OARD1: variants seen among roughly 807,000 people sequenced by gnomAD.
OARD1 encodes ADP-ribose glycohydrolase OARD1.
In OARD1, 19 loss-of-function variants were observed where a neutral mutation model predicts 19.7. The ratio of observed to expected loss-of-function variants is 0.96; its 90% CI spans 0.67 to 1.41. The LOEUF (loss-of-function observed/expected upper bound fraction) is 1.41, where lower values mean the gene tolerates loss of function less well. Ranked by LOEUF, OARD1 falls within the 40% of genes most tolerant of loss-of-function variation. The pLI, the probability that OARD1 is intolerant of heterozygous loss-of-function variation, is 0.00. For synonymous variants in OARD1, 70 were observed against 61.8 expected, an observed-to-expected ratio of 1.13 and a Z score of -0.62; for missense variants, 190 against 183.8, an observed-to-expected ratio of 1.03 and a Z score of -0.20.
At chr6:41,089,166 TAG>T (rs1764130298) in intron 1 of OARD1, among the ~76,000 whole-genome samples, 2 of 152,042 alleles carry the variant, frequency 1.3e-5, no homozygotes, top group Admixed American at 1.3e-4. Flanking sequence ...GTATTTTTAG[TAG>T]AGACAGGGTT....
chr6:41,081,695 A>C (rs1026756015), intron 1 of OARD1, among the ~76,000 whole-genome samples: 4 of 152,138 alleles, frequency 2.6e-5, no homozygotes, highest in African/African-American at 9.7e-5. Flanking sequence ...TTATCTAAGC[A>C]CTGAATCTTG....
upstream of OARD1, among the ~76,000 whole-genome samples, chr6:41,074,479 T>C (rs1025170010): frequency 4.6e-5 from 7 of 152,218 alleles, no homozygotes; most frequent in African/African-American, 1.7e-4. Context: ...ATGCGTGAGC[T>C]AGCCTCCGTG....
At chr6:41,075,612 C>G (rs1763711726), upstream of OARD1, 1 of 151,982 alleles carries the variant, frequency 6.6e-6, no homozygotes, top group African/African-American at 2.4e-5. Flanking sequence ...TTTTTATGCT[C>G]TCTTGATTTG....
chr6:41,075,422 T>C (rs2114081926), upstream of OARD1: 1 of 151,682 alleles, frequency 6.6e-6, no homozygotes, highest in South Asian at 2.1e-4. Context: ...CTAAATACTT[T>C]TGCTTGGCAT....
rs1037170446 is a variant in OARD1, at chr6:41,066,467, G to A, written c.*868C>T. 4 of 151,988 alleles carry A rather than the reference G, an allele frequency of 2.6e-5. No homozygotes were observed. Among genetic ancestry groups the A allele is most frequent in the Admixed American group, 6.6e-5 (1 of 15,260 alleles). 9.4% of individuals were successfully genotyped at this position (151,988 alleles called of 1,614,324 possible). Reference sequence around the variant, plus strand: ...TTATTTTTTTAAAGAAGACTCATAAGGATTTTTGACAATCACTGATTTATT... The same window carrying A: ...TTATTTTTTTAAAGAAGACTCATAAAGATTTTTGACAATCACTGATTTATT... On this transcript the variant is annotated 3_prime_UTR_variant, in exon 6 of 6. Transcript: ENST00000424266.
chr6:41,075,795 C>T (rs1419062125), upstream of OARD1: 1 of 151,538 alleles, frequency 6.6e-6, no homozygotes, highest in Non-Finnish European at 1.5e-5. Flanking sequence ...CCTCCAAATT[C>T]CCATATCACT....
In OARD1 at chr6:41,070,105, T is replaced by C; in HGVS notation, c.214A>G (p.Lys72Glu). Reference protein sequence around the residue: ...QKKSGEVAVLKRDGRYIYYLI... With the variant: ...QKKSGEVAVLERDGRYIYYLI... Reference sequence around the variant, plus strand: ...TAATATATATATCGCCCATCTCTCTTCAGAACAGCCACTTCTCCAGATTTC... The same window carrying C: ...TAATATATATATCGCCCATCTCTCTCCAGAACAGCCACTTCTCCAGATTTC... The change falls in exon 4 of 6, where the codon AAG becomes GAG. Residue 72 changes from lysine to glutamate, a missense_variant. Transcript: ENST00000424266. 1 of 1,595,496 alleles carries C rather than the reference T, an allele frequency of 6.3e-7. No individual in the cohort carries two copies. The highest frequency in any genetic ancestry group is 1.1e-5 in the South Asian group (1 of 89,648).
At chr6:41,092,861 C>G in intron 1 of OARD1, 2 of 1,547,320 alleles carry the variant, frequency 1.3e-6, no homozygotes, top group South Asian at 2.5e-5. Flanking sequence ...GAAACTGTTT[C>G]TATGTCCATA....
chr6:41,078,936 A>G, intron 1 of OARD1: 1 of 576,978 alleles, frequency 1.7e-6, no homozygotes, highest in South Asian at 2.7e-5. Flanking sequence ...TTTTCTTGCA[A>G]ATAAAGTACA....
At chr6:41,087,717 A>T (rs1283105118) in intron 1 of OARD1, among the ~76,000 whole-genome samples, 1 of 127,726 alleles carries the variant, frequency 7.8e-6, no homozygotes, top group Admixed American at 7.9e-5. Flanking sequence ...TTTTGCACTT[A>T]AAAAAAAAAG....
chr6:41,067,312 A>C lies in OARD1; in HGVS notation c.*23T>G, dbSNP rs1187988221. 2.6e-6 allele frequency: 4 copies of C among 1,512,964 alleles called. No homozygotes were observed. Among genetic ancestry groups the C allele is most frequent in the East Asian group, 2.3e-5 (1 of 44,226 alleles). 93.7% of individuals were successfully genotyped at this position (1,512,964 alleles called of 1,614,324 possible). On this transcript the variant is annotated 3_prime_UTR_variant, in exon 6 of 6. Transcript: ENST00000424266. ...GTAGAGATGACACAGGAGAACACGG[A>C]AACATCCAAAATGTTCACTGGTTCA...
intron 1 of OARD1, among the ~76,000 whole-genome samples, chr6:41,093,600 A>G (rs1194731375): frequency 6.6e-6 from 1 of 151,840 alleles, no homozygotes; most frequent in Non-Finnish European, 1.5e-5. Context: ...CCTCCTGAGT[A>G]GCTGGGATTA....
intron 1 of OARD1, among the ~76,000 whole-genome samples, chr6:41,091,076 A>G (rs532290144): frequency 6.4e-4 from 97 of 152,350 alleles, no homozygotes; most frequent in Middle Eastern, 3.4e-3. Flanking sequence ...AAGTGCTGCT[A>G]TTGATAGTCT....
At position 41,066,303 on chromosome 6, in the gene OARD1, T is replaced by C. The variant is rs560557126; in HGVS notation, c.*1032A>G. The C allele has an allele frequency of 1.3e-5, 2 of 151,250 alleles. No individual in the cohort carries two copies. The highest frequency in any genetic ancestry group is 2.9e-5 in the Non-Finnish European group (2 of 68,008). 9.4% of individuals were successfully genotyped at this position (151,250 alleles called of 1,614,324 possible). A position where few individuals can be genotyped will look rare whatever the true frequency, so the allele number is the denominator to read the frequency against. On this transcript the variant is annotated 3_prime_UTR_variant, in exon 6 of 6. Transcript: ENST00000424266. Reference sequence around the variant, plus strand: ...CACCAGGCCCAGCTAATTTTTAATTTCTTTTTTTTTTGTAGAGACAGGGTC... The same window carrying C: ...CACCAGGCCCAGCTAATTTTTAATTCCTTTTTTTTTTGTAGAGACAGGGTC...
At chr6:41,075,512 TTGTC>T (rs1165048076), upstream of OARD1, 1 of 152,030 alleles carries the variant, frequency 6.6e-6, no homozygotes, top group Non-Finnish European at 1.5e-5. Context: ...AAGAATTTCT[TTGTC>T]TGACATTTTG....
chr6:41,071,718 A>G (rs1271972807), intron 1 of OARD1, 43 bp from the exon 2 acceptor site: 11 of 1,123,840 alleles, frequency 9.8e-6, no homozygotes, highest in Admixed American at 6.8e-5. Flanking sequence ...AGGCAGCCTT[A>G]GTATATAATA....
chr6:41,090,350 AC>A (rs750746862), intron 1 of OARD1: 30 of 1,361,032 alleles, frequency 2.2e-5, no homozygotes, highest in South Asian at 3.5e-5. Context: ...TTTTGGGGCA[AC>A]TTTTTTGTCC....
intron 1 of OARD1, chr6:41,084,162 A>G: frequency 6.2e-7 from 1 of 1,614,132 alleles, no homozygotes; most frequent in Non-Finnish European, 8.5e-7. Context: ...TCATGCAAGT[A>G]CCTGTTTCTG....
upstream of OARD1, chr6:41,075,152 T>C (rs1763698776): frequency 6.6e-6 from 1 of 152,234 alleles, no homozygotes; most frequent in African/African-American, 2.4e-5. Flanking sequence ...AGAGCTTAAG[T>C]AGTCTAAAAA....
Sources: gnomAD v4.1 joint callset for allele counts (sites outside exome capture counted in the v4.1 genomes callset) on GRCh38, gnomAD v4.1.1 for gene constraint, MANE v1.5 for transcripts, NCBI Gene and HGNC (gene_info 2026-07-23, HGNC 2026-07-21) for gene names.